FARP1: variants seen among roughly 807,000 people sequenced by gnomAD.
The protein encoded by FARP1 is FERM, ARH/RhoGEF and pleckstrin domain protein 1.
A neutral mutation model predicts 128.8 loss-of-function variants in FARP1; 52 were observed. That is an observed-to-expected ratio of 0.40 (90% confidence interval 0.32 to 0.51). The LOEUF is 0.51. FARP1 is among the 20% of genes least tolerant of loss of function. The pLI is 0.45. For synonymous variants in FARP1, 580 were observed against 551.8 expected (o/e 1.05, Z -0.72); for missense variants, 1,333 against 1,367.9 (o/e 0.97, Z 0.40).
At chr13:98,301,746 C>T (rs1437630046) in intron 2 of FARP1, among the ~76,000 whole-genome samples, 2 of 152,124 alleles carry the variant, frequency 1.3e-5, no homozygotes, top group African/African-American at 4.8e-5. Context: ...CAGAGGGATA[C>T]TTAACTTGCC....
intron 2 of FARP1, among the ~76,000 whole-genome samples, chr13:98,235,370 A>C (rs1196338192): frequency 2.0e-5 from 3 of 152,194 alleles, no homozygotes; most frequent in Non-Finnish European, 2.9e-5. Context: ...CACTGAGAAG[A>C]AATTCTAAAG....
chr13:98,275,852 G>A (rs1884631235), intron 2 of FARP1, among the ~76,000 whole-genome samples: 4 of 152,124 alleles, frequency 2.6e-5, no homozygotes. Flanking sequence ...TTTAAACATA[G>A]TTGAGAATCA....
At chr13:98,252,819 G>A (rs192431301) in intron 2 of FARP1, among the ~76,000 whole-genome samples, 17 of 152,290 alleles carry the variant, frequency 1.1e-4, no homozygotes, top group Admixed American at 6.5e-4. Flanking sequence ...TCAAGTCAGC[G>A]ACCCAGTGAG....
intron 1 of FARP1, among the ~76,000 whole-genome samples, chr13:98,143,913 CG>C (rs936629398): frequency 6.6e-6 from 1 of 151,794 alleles, no homozygotes; most frequent in African/African-American, 2.4e-5. Context: ...GGTTGCGGGC[CG>C]GGGAGGTGGC....
At chr13:98,234,437 T>A (rs1882307086) in intron 2 of FARP1, 1 of 152,228 alleles carries the variant, frequency 6.6e-6, no homozygotes, top group Non-Finnish European at 1.5e-5. Flanking sequence ...AGAAATCATC[T>A]GGTGAAATTA....
rs139444691 is a variant in FARP1, at chr13:98,386,476, T to C, written c.759+662T>C. 6.6e-3 allele frequency among the ~76,000 whole-genome samples: 1,000 copies of C among 152,306 alleles called. 2 individuals are homozygous for C. The highest frequency in any genetic ancestry group is 0.011 in the Non-Finnish European group (778 of 68,028). On this transcript the variant is annotated intron_variant, in intron 8 of 26. Coordinates refer to ENST00000319562, the MANE Select transcript of FARP1 (RefSeq NM_005766.4). ...ATCAATGCTTCTCTCTTAGTAGCCTTATTGAAGTATTGTTGACGTACAATA... is the reference window on the plus strand; with the variant it reads ...ATCAATGCTTCTCTCTTAGTAGCCTCATTGAAGTATTGTTGACGTACAATA...
intron 1 of FARP1, among the ~76,000 whole-genome samples, chr13:98,169,406 A>G (rs1877498392): frequency 6.6e-6 from 1 of 152,346 alleles, no homozygotes; most frequent in African/African-American, 2.4e-5. Flanking sequence ...TAAAGAAGCT[A>G]CATTTCTTTT....
intron 5 of FARP1, among the ~76,000 whole-genome samples, chr13:98,368,434 A>G (rs926982269): frequency 1.3e-5 from 2 of 152,220 alleles, no homozygotes; most frequent in Non-Finnish European, 2.9e-5. Context: ...TCCTGGGCTT[A>G]TACTCTGTTA....
chr13:98,148,117 G>T (rs1167023072), intron 1 of FARP1, among the ~76,000 whole-genome samples: 5 of 152,122 alleles, frequency 3.3e-5, no homozygotes, highest in Non-Finnish European at 7.3e-5. Context: ...GGTGGCTCAC[G>T]CCTGTAACCC....
At chr13:98,383,520 C>T (rs61968415) in intron 6 of FARP1, 35,336 of 152,068 alleles carry the variant, frequency 0.23, 4,231 homozygotes, top group South Asian at 0.36. Flanking sequence ...TGCTTGATTG[C>T]TGGAGTGCAT....
rs749779602 is a variant in FARP1 at position 98,275,363 on chromosome 13, GAGAT to G, written c.171+61952_171+61955del. On this transcript the variant is annotated intron_variant, in intron 2 of 26. Coordinates refer to ENST00000319562, the MANE Select transcript of FARP1 (RefSeq NM_005766.4). ...AGAGAGAGAGAGAGAGAGAGAGAGA[GAGAT>G]AATATTTATATATTTTTATATATAT... Among the ~76,000 whole-genome samples the G allele has an allele frequency of 2.4e-3, 306 of 128,568 alleles. 1 individual carries two copies. The highest frequency in any genetic ancestry group is 4.1e-3 in the Non-Finnish European group (245 of 59,750). 84.3% of individuals were successfully genotyped at this position (128,568 alleles called of 152,430 possible).
In FARP1 at chr13:98,446,082, C is replaced by T. The variant is rs1261127777; in HGVS notation, c.2797-16C>T. 1 of 1,576,758 alleles carries T rather than the reference C, an allele frequency of 6.3e-7. No individual in the cohort carries two copies. The highest frequency in any genetic ancestry group is 1.7e-5 in the Admixed American group (1 of 59,880). ...AGGTGCCCGCTGTGCTTCTCACAGGCCTCCTTGCCTTTCAGAATCAGTTGT... is the reference window on the plus strand; with the variant it reads ...AGGTGCCCGCTGTGCTTCTCACAGGTCTCCTTGCCTTTCAGAATCAGTTGT... On this transcript the variant is annotated splice_polypyrimidine_tract_variant and intron_variant, in intron 24 of 26. Transcript: ENST00000319562.
At chr13:98,166,024 A>C (rs1486040677) in intron 1 of FARP1, among the ~76,000 whole-genome samples, 1 of 151,978 alleles carries the variant, frequency 6.6e-6, no homozygotes, top group African/African-American at 2.4e-5. Flanking sequence ...CCAGCCCAGA[A>C]GTCTTTTATG....
chr13:98,159,759 C>T (rs1876743389), intron 1 of FARP1, among the ~76,000 whole-genome samples: 1 of 152,162 alleles, frequency 6.6e-6, no homozygotes, highest in East Asian at 1.9e-4. Context: ...TTGTAAGCCT[C>T]TGCGCCCAGC....
At chr13:98,311,287 T>C (rs1433858543) in intron 2 of FARP1, among the ~76,000 whole-genome samples, 2 of 152,174 alleles carry the variant, frequency 1.3e-5, no homozygotes, top group African/African-American at 4.8e-5. Flanking sequence ...CAAAGTCCCA[T>C]GGCTAAGGAA....
At position 98,388,387 on chromosome 13, in the gene FARP1, T is replaced by C. The variant is rs753484838; in HGVS notation, c.764T>C (p.Phe255Ser). The change falls in exon 9 of 27, where the codon TTC (phenylalanine) becomes TCC (serine). Residue 255 changes from phenylalanine (F) to serine (S), a missense_variant. By Grantham distance (155) the Phe-to-Ser change is radical. Around this residue, in one of 2 missense-constraint regions of FARP1, gnomAD observed 324 missense variants for 398.1 expected, o/e 0.81. Transcript: ENST00000319562. ...TGCTACTGTCTTTCTTTTTAGGGTT[T>C]CACTAAGATCAATGCCTTCAACTGG... The part of the protein sequence containing the change: ...ANTGILVFQG[F>S]TKINAFNWAK... 3.1e-6 allele frequency: 5 copies of C among 1,613,174 alleles called. No individual in the cohort carries two copies. The South Asian group carries it at 5.5e-5, about 18-fold the overall frequency.
At chr13:98,372,727 G>A (rs1237318763) in intron 5 of FARP1, among the ~76,000 whole-genome samples, 5 of 152,174 alleles carry the variant, frequency 3.3e-5, no homozygotes, top group African/African-American at 9.7e-5. Context: ...CCCTAGGAGT[G>A]AAGTCCCTCT....
chr13:98,254,769 T>C (rs1455619286), intron 2 of FARP1, among the ~76,000 whole-genome samples: 2 of 152,236 alleles, frequency 1.3e-5, no homozygotes, highest in Non-Finnish European at 2.9e-5. Flanking sequence ...GTCTAGAGAA[T>C]GTCCATGATG....
At chr13:98,175,202 C>T (rs940507291) in intron 1 of FARP1, among the ~76,000 whole-genome samples, 1 of 152,160 alleles carries the variant, frequency 6.6e-6, no homozygotes, top group Non-Finnish European at 1.5e-5. Flanking sequence ...ATGAGATAGG[C>T]TCTTATGAAA....
Sources: gnomAD v4.1 joint callset for allele counts (sites outside exome capture counted in the v4.1 genomes callset) on GRCh38, gnomAD v4.1.1 for gene constraint, gnomAD v4.1.1 regional missense constraint, MANE v1.5 for transcripts, NCBI Gene and HGNC (gene_info 2026-07-23, HGNC 2026-07-21) for gene names.